MAF: variants seen among roughly 807,000 people sequenced by gnomAD.
MAF encodes the protein MAF bZIP transcription factor, also known as transcription factor Maf.
In MAF, 10 loss-of-function variants were observed where a neutral mutation model predicts 22.0. The observed-to-expected ratio is 0.45, with a 90% CI of 0.28 to 0.77. The LOEUF (loss-of-function observed/expected upper bound fraction) is 0.77. Among genes scored for constraint, MAF ranks in the 30% least tolerant of loss-of-function variants. MAF has a pLI of 0.12. For missense variants in MAF, 544 were observed against 548.4 expected, an observed-to-expected ratio of 0.99 and a Z score of 0.08; for synonymous variants, 337 against 255.8, an observed-to-expected ratio of 1.32 and a Z score of -3.03.
At chr16:79,476,985 A>G in the MAF span, among the ~76,000 whole-genome samples, 1 of 152,150 alleles carries the variant, frequency 6.6e-6, no homozygotes, top group African/African-American at 2.4e-5. Context: ...CAGAAGGTCA[A>G]GTGCCATCCA....
the MAF span, among the ~76,000 whole-genome samples, chr16:79,362,009 G>T: frequency 3.9e-5 from 6 of 152,176 alleles, no homozygotes; most frequent in Non-Finnish European, 8.8e-5. Context: ...ATTTGAAGAT[G>T]AACTGGATTA....
chr16:79,599,779 T>C lies in MAF; in HGVS notation c.124A>G (p.Ile42Val). The C allele has an allele frequency of 6.2e-7, 1 of 1,613,030 alleles. No homozygotes were observed. Among genetic ancestry groups the C allele is most frequent in the Non-Finnish European group, 8.5e-7 (1 of 1,179,902 alleles). ...VKKEPVETDR[I>V]ISQCGRLIAG... is the part of the protein sequence containing the mutation. ...ATGAGACGGCCGCACTGGCTGATGA[T>C]GCGGTCGGTCTCCACCGGTTCCTTT... Residue 42 changes from isoleucine to valine, a missense_variant, in exon 1 of 2, where the codon ATC becomes GTC. Coordinates refer to ENST00000326043, the MANE Select transcript of MAF (RefSeq NM_005360.5).
At chr16:79,363,086 T>C in the MAF span, among the ~76,000 whole-genome samples, 1 of 151,936 alleles carries the variant, frequency 6.6e-6, no homozygotes, top group African/African-American at 2.4e-5. Context: ...GGGGGGAACA[T>C]GCAGGGAAGA....
the MAF span, among the ~76,000 whole-genome samples, chr16:79,442,347 A>G: frequency 8.5e-5 from 13 of 152,126 alleles, no homozygotes; most frequent in South Asian, 1.3e-3. Flanking sequence ...GAGTCCACAG[A>G]ATATCCTTTT....
chr16:79,490,943 G>A, the MAF span, among the ~76,000 whole-genome samples: 1 of 152,196 alleles, frequency 6.6e-6, no homozygotes, highest in Non-Finnish European at 1.5e-5. Context: ...ATGATCAGAT[G>A]AGACGCCCAA....
chr16:79,483,482 G>T, the MAF span, among the ~76,000 whole-genome samples: 1 of 151,232 alleles, frequency 6.6e-6, no homozygotes, highest in African/African-American at 2.4e-5. Context: ...GACAGGCCCG[G>T]AGGGGAAGCA....
At chr16:79,287,487 G>C in the MAF span, among the ~76,000 whole-genome samples, 1 of 152,206 alleles carries the variant, frequency 6.6e-6, no homozygotes, top group African/African-American at 2.4e-5. Flanking sequence ...TGAGGGTTGT[G>C]GCAGGAGGCC....
the MAF span, among the ~76,000 whole-genome samples, chr16:79,250,329 G>A: frequency 3.9e-5 from 6 of 152,310 alleles, no homozygotes; most frequent in South Asian, 4.1e-4. Context: ...TCATGCCTAC[G>A]CTTTTAAGGC....
the MAF span, among the ~76,000 whole-genome samples, chr16:79,339,092 G>A: frequency 6.6e-6 from 1 of 151,304 alleles, no homozygotes; most frequent in Non-Finnish European, 1.5e-5. Context: ...TATTTTTTGA[G>A]ACGGAGTCTC....
chr16:79,295,078 CT>C, the MAF span, among the ~76,000 whole-genome samples: 5 of 90,504 alleles, frequency 5.5e-5, no homozygotes, highest in East Asian at 1.1e-3. Flanking sequence ...TCTAAATATA[CT>C]TTTTTTGGGG....
At chr16:79,210,126 C>G in the MAF span, among the ~76,000 whole-genome samples, 3 of 152,210 alleles carry the variant, frequency 2.0e-5, no homozygotes, top group East Asian at 1.9e-4. Flanking sequence ...CTTTGTCTCA[C>G]TCACGGTCCA....
the MAF span, among the ~76,000 whole-genome samples, chr16:79,221,932 G>C: frequency 6.6e-6 from 1 of 151,872 alleles, no homozygotes; most frequent in Non-Finnish European, 1.5e-5. Flanking sequence ...TTTTTCATTA[G>C]CTATTTGTTA....
the MAF span, among the ~76,000 whole-genome samples, chr16:79,407,410 G>C: frequency 3.7e-4 from 57 of 152,250 alleles, no homozygotes; most frequent in African/African-American, 1.4e-3. Context: ...TTTTGTGATA[G>C]TAAAAACTGC....
the MAF span, among the ~76,000 whole-genome samples, chr16:79,514,384 T>C: frequency 1.3e-5 from 2 of 152,254 alleles, no homozygotes; most frequent in African/African-American, 4.8e-5. Context: ...ATAATAGCTT[T>C]GTAAAGATGA....
At chr16:79,278,628 C>G in the MAF span, among the ~76,000 whole-genome samples, 3 of 152,068 alleles carry the variant, frequency 2.0e-5, no homozygotes, top group Admixed American at 2.0e-4. Flanking sequence ...AGCGCAAGAG[C>G]TGTTTCTAGC....
chr16:79,316,571 C>G, the MAF span, among the ~76,000 whole-genome samples: 1 of 152,068 alleles, frequency 6.6e-6, no homozygotes, highest in Non-Finnish European at 1.5e-5. Context: ...TGCAATTAAC[C>G]CAAAGATCAC....
the MAF span, among the ~76,000 whole-genome samples, chr16:79,323,401 T>C: frequency 7.9e-5 from 12 of 152,198 alleles, no homozygotes; most frequent in Middle Eastern, 6.8e-3. Flanking sequence ...TTTTTCATTT[T>C]TTAAATACAT....
chr16:79,572,647 A>C, the MAF span, among the ~76,000 whole-genome samples: 1 of 152,132 alleles, frequency 6.6e-6, no homozygotes, highest in Non-Finnish European at 1.5e-5. Flanking sequence ...GGCACTGACC[A>C]CTTTAGTTCA....
the MAF span, among the ~76,000 whole-genome samples, chr16:79,228,330 C>G: frequency 6.6e-6 from 1 of 152,064 alleles, no homozygotes; most frequent in African/African-American, 2.4e-5. Flanking sequence ...ATAATTCACC[C>G]ATTAACTATC....
Sources: allele counts gnomAD v4.1 joint callset (sites outside exome capture counted in the v4.1 genomes callset), GRCh38; gene constraint gnomAD v4.1.1; transcripts MANE v1.5; gene names NCBI Gene and HGNC (gene_info 2026-07-23, HGNC 2026-07-21).